The following GRK2 variants were observed in gnomAD, a reference collection of about 807,000 sequenced individuals.
GRK2 encodes the protein adrenergic beta receptor kinase 1.
GRK2 carries 23 observed loss-of-function variants against 97.8 expected under a neutral mutation model. The observed-to-expected ratio is 0.24, with a 90% CI of 0.17 to 0.33. The LOEUF is 0.33. GRK2 is among the 10% of genes least tolerant of loss of function. The pLI is 1.00. For missense variants in GRK2, 633 were observed against 956.9 expected (o/e 0.66, Z 4.47); for synonymous variants, 425 against 381.7 (o/e 1.11, Z -1.32).
At chr11:67,271,612 G>A (rs934821970) in intron 1 of GRK2, among the ~76,000 whole-genome samples, 1 of 152,250 alleles carries the variant, frequency 6.6e-6, no homozygotes, top group African/African-American at 2.4e-5. Flanking sequence ...CGTGACATTT[G>A]ACAAGGCCGC....
chr11:67,281,073 C>A lies in GRK2; in HGVS notation c.556-20C>A. The stretch of plus-strand genomic sequence containing the variant: ...GGGCAGAGGCAGCCTGTGGTGACCG[C>A]AGCTGTCGCTGCCCCTCAGCTGACC... On this transcript the variant is annotated intron_variant, in intron 7 of 20. Transcript: ENST00000308595. The surrounding 1 kb of genome is among the most constrained non-coding windows in gnomAD (Gnocchi z 5.7). The A allele has an allele frequency of 6.2e-7, 1 of 1,603,436 alleles. No homozygotes were observed. The highest frequency in any genetic ancestry group is 1.1e-5 in the South Asian group (1 of 90,136).
In GRK2 at chr11:67,277,263, G is replaced by C. The variant is rs1860051239; in HGVS notation, c.114-9G>C. ...GGGCTTCTGCTTACTGCGCCCCCCT[G>C]ACCCACAGCATCCGCAGTGTCATGC... On this transcript the variant is annotated splice_polypyrimidine_tract_variant and intron_variant, in intron 1 of 20. Coordinates refer to ENST00000308595, the MANE Select transcript of GRK2 (RefSeq NM_001619.5). 1 of 1,613,398 alleles carries C rather than the reference G, an allele frequency of 6.2e-7. No individual in the cohort carries two copies. The highest frequency in any genetic ancestry group is 8.5e-7 in the Non-Finnish European group (1 of 1,179,908).
At chr11:67,273,681 G>A (rs1289005753) in intron 1 of GRK2, among the ~76,000 whole-genome samples, 2 of 152,194 alleles carry the variant, frequency 1.3e-5, no homozygotes, top group East Asian at 1.9e-4. Flanking sequence ...GAGGGGGGTT[G>A]TTTATTTTAT....
chr11:67,285,536 T>G lies in GRK2; in HGVS notation c.*86T>G, dbSNP rs1860260629. 1 of 1,412,698 alleles carries G rather than the reference T, an allele frequency of 7.1e-7. No homozygotes were observed. Among genetic ancestry groups the G allele is most frequent in the African/African-American group, 1.4e-5 (1 of 69,064 alleles). The allele number at this position is 1,412,698 out of a possible 1,614,324, so 87.5% of individuals were successfully genotyped here. On this transcript the variant is annotated 3_prime_UTR_variant, in exon 21 of 21. Transcript: ENST00000308595. The stretch of plus-strand genomic sequence containing the variant: ...TCCCGCCAAGCGGAAAAGGTTTTAT[T>G]TTGTAATTATTGTGATTTCCCGTGG...
In GRK2 at chr11:67,283,205, G is replaced by C. The variant is rs1860193229; in HGVS notation, c.1305G>C (p.Arg435=). 1 of 1,613,842 alleles carries C rather than the reference G, an allele frequency of 6.2e-7. No homozygotes were observed. The highest frequency in any genetic ancestry group is 8.5e-7 in the Non-Finnish European group (1 of 1,179,972). Residue 435 remains arginine (R), a synonymous_variant, in exon 15 of 21, where the codon CGG becomes CGC. Transcript: ENST00000308595. ...LEGLLQRDVN[R]RLGCLGRGAQ... Reference sequence around the variant, plus strand: ...GGTTGCTGCAGAGGGATGTCAACCGGAGATTGGGCTGCCTGGGCCGAGGGT... The same window carrying C: ...GGTTGCTGCAGAGGGATGTCAACCGCAGATTGGGCTGCCTGGGCCGAGGGT...
At position 67,277,310 on chromosome 11, in the gene GRK2, G is replaced by A. The variant is rs1312621144; in HGVS notation, c.152G>A (p.Gly51Asp). The change falls in exon 2 of 21, where the codon GGC becomes GAC. Residue 51 changes from glycine (G) to aspartate (D), a missense_variant. By Grantham distance (94) the Gly-to-Asp change is moderately conservative. Transcript: ENST00000308595. ...SVMQKYLEDR[G>D]EVTFEKIFSQ... ...ATGCAGAAGTACCTGGAGGACCGGG[G>A]CGAGGTGACCTTTGAGAAGATCTTT... 7.4e-6 allele frequency: 12 copies of A among 1,613,710 alleles called. No homozygotes were observed. Among genetic ancestry groups the A allele is most frequent in the Non-Finnish European group, 1.0e-5 (12 of 1,179,990 alleles).
chr11:67,273,145 T>C (rs1859946857), intron 1 of GRK2, among the ~76,000 whole-genome samples: 1 of 152,238 alleles, frequency 6.6e-6, no homozygotes, highest in African/African-American at 2.4e-5. Flanking sequence ...CATCCTCATT[T>C]TACAGCTGGG....
In GRK2 at chr11:67,276,573, T is replaced by G. The variant is rs1261768139; in HGVS notation, c.114-699T>G. Reference sequence around the variant, plus strand: ...ACCAAGGCATGGCCTTTTCTTACAATTTAAAAAATTGAGATGCAATTCATA... The same window carrying G: ...ACCAAGGCATGGCCTTTTCTTACAAGTTAAAAAATTGAGATGCAATTCATA... On this transcript the variant is annotated intron_variant, in intron 1 of 20. Transcript: ENST00000308595. This position sits in a 1 kb window ranked among gnomAD's most constrained non-coding sequence, Gnocchi z 4.2. The G allele has an allele frequency of 6.6e-6, 1 of 152,198 alleles. No homozygotes were observed. Among genetic ancestry groups the G allele is most frequent in the South Asian group, 2.1e-4 (1 of 4,836 alleles). The allele number at this position is 152,198 out of a possible 1,614,324, so 9.4% of individuals were successfully genotyped here.
Position 67,282,106 on chromosome 11 carries a change from C to A in GRK2, c.957+154C>A. On this transcript the variant is annotated intron_variant, in intron 11 of 20. Coordinates refer to ENST00000308595, the MANE Select transcript of GRK2 (RefSeq NM_001619.5). The surrounding 1 kb of genome is among the most constrained non-coding windows in gnomAD (Gnocchi z 6.9). The stretch of plus-strand genomic sequence containing the variant: ...CCCCTGCCCTTCCCACCGAGCCACT[C>A]TCTGGGTCCAGGTTGTAGCTGGGGA... 1 of 1,268,832 alleles carries A rather than the reference C, an allele frequency of 7.9e-7. No homozygotes were observed. Among genetic ancestry groups the A allele is most frequent in the Non-Finnish European group, 1.1e-6 (1 of 902,810 alleles). 78.6% of individuals were successfully genotyped at this position (1,268,832 alleles called of 1,614,324 possible).
chr11:67,277,600 C>A (rs1430809678), intron 2 of GRK2, among the ~76,000 whole-genome samples: 3 of 152,258 alleles, frequency 2.0e-5, no homozygotes, highest in African/African-American at 7.2e-5. Context: ...GGAAGTTCCT[C>A]CTTTGGGGTT....
At chr11:67,283,060 T>C (rs1199845219) in intron 14 of GRK2, 68 bp from the exon 15 acceptor site, 25 of 1,497,046 alleles carry the variant, frequency 1.7e-5, no homozygotes, top group South Asian at 5.6e-5. Context: ...GACCCCTCTC[T>C]CCCCTGAGCT....
Position 67,286,203 on chromosome 11 carries a change from G to T in GRK2, c.*753G>T. 1 of 553,918 alleles carries T rather than the reference G, an allele frequency of 1.8e-6. No homozygotes were observed. Among genetic ancestry groups the T allele is most frequent in the Non-Finnish European group, 3.2e-6 (1 of 315,590 alleles). 34.3% of individuals were successfully genotyped at this position (553,918 alleles called of 1,614,324 possible). A position where few individuals can be genotyped will look rare whatever the true frequency, so the allele number is the denominator to read the frequency against. ...CCTGAGGTCTCGCTGATGCTGGGCT[G>T]GGTGCGACCCCATCTGCCCAGGACG... is the stretch of plus-strand genomic sequence containing the variant. On this transcript the variant is annotated 3_prime_UTR_variant, in exon 21 of 21. Coordinates refer to ENST00000308595, the MANE Select transcript of GRK2 (RefSeq NM_001619.5).
chr11:67,286,057 G>C lies in GRK2; in HGVS notation c.*607G>C, dbSNP rs1860274067. ...GACACTGCGGGGCTTGGCTGAGAGA[G>C]TGGCATTGGCAGCAGGTGCTGCTAC... On this transcript the variant is annotated 3_prime_UTR_variant, in exon 21 of 21. Coordinates refer to ENST00000308595, the MANE Select transcript of GRK2 (RefSeq NM_001619.5). 1 of 300,460 alleles carries C rather than the reference G, an allele frequency of 3.3e-6. No individual in the cohort carries two copies. Among genetic ancestry groups the C allele is most frequent in the East Asian group, 7.8e-5 (1 of 12,768 alleles). 18.6% of individuals were successfully genotyped at this position (300,460 alleles called of 1,614,324 possible). A position where few individuals can be genotyped will look rare whatever the true frequency, so the allele number is the denominator to read the frequency against.
chr11:67,284,684 G>A (rs985074636), intron 18 of GRK2, 163 bp from the exon 19 acceptor site: 9 of 990,402 alleles, frequency 9.1e-6, no homozygotes, highest in Non-Finnish European at 1.3e-5. Flanking sequence ...AGCTACCCGG[G>A]AGGCTGAGGC....
chr11:67,282,406 TC>T lies in GRK2; in HGVS notation c.1053-26del. 1 of 1,130,920 alleles carries T rather than the reference TC, an allele frequency of 8.8e-7. No individual in the cohort carries two copies. The highest frequency in any genetic ancestry group is 4.5e-5 in the East Asian group (1 of 22,236). The allele number at this position is 1,130,920 out of a possible 1,614,324, so 70.1% of individuals were successfully genotyped here. A position where few individuals can be genotyped will look rare whatever the true frequency, so the allele number is the denominator to read the frequency against. On this transcript the variant is annotated intron_variant, in intron 12 of 20. Transcript: ENST00000308595. This position sits in a 1 kb window ranked among gnomAD's most constrained non-coding sequence, Gnocchi z 6.9. Reference sequence around the variant, plus strand: ...CCTCTCCCTCCCCACCCCTTGCCACTCCCGCTTATGGCCCCCTTGCTCCCAC... The same window carrying T: ...CCTCTCCCTCCCCACCCCTTGCCACTCCGCTTATGGCCCCCTTGCTCCCAC...
chr11:67,281,076 C>G lies in GRK2; in HGVS notation c.556-17C>G. ...CAGAGGCAGCCTGTGGTGACCGCAGCTGTCGCTGCCCCTCAGCTGACCATG... is the reference window on the plus strand; with the variant it reads ...CAGAGGCAGCCTGTGGTGACCGCAGGTGTCGCTGCCCCTCAGCTGACCATG... On this transcript the variant is annotated splice_polypyrimidine_tract_variant and intron_variant, in intron 7 of 20. Transcript: ENST00000308595. This position sits in a 1 kb window ranked among gnomAD's most constrained non-coding sequence, Gnocchi z 5.7. 1 of 1,605,612 alleles carries G rather than the reference C, an allele frequency of 6.2e-7. No individual in the cohort carries two copies. The highest frequency in any genetic ancestry group is 2.2e-5 in the East Asian group (1 of 44,782).
In GRK2 at chr11:67,285,045, T is replaced by TA. The variant is rs527299352; in HGVS notation, c.1792-29dup. The TA allele has an allele frequency of 2.5e-4, 398 of 1,612,744 alleles. 5 individuals carry two copies. In the South Asian group the frequency reaches 4.2e-3, roughly 17 times the overall value. ...CCGGGTGGCTGGCCGGCCCGGCTCT[T>TA]ACCTGCACCACCCATCCCTGGCCCT... On this transcript the variant is annotated intron_variant, in intron 19 of 20. Coordinates refer to ENST00000308595, the MANE Select transcript of GRK2 (RefSeq NM_001619.5).
rs377123753 is a variant in GRK2, at chr11:67,281,682, G to T, written c.780G>T (p.Ala260=). The T allele has an allele frequency of 1.0e-4, 161 of 1,607,576 alleles. No homozygotes were observed. Among genetic ancestry groups the T allele is most frequent in the Non-Finnish European group, 1.3e-4 (156 of 1,177,498 alleles). Residue 260 remains alanine (A), a synonymous_variant, in exon 10 of 21, where the codon GCG becomes GCT. Transcript: ENST00000308595. The surrounding 1 kb of genome is among the most constrained non-coding windows in gnomAD (Gnocchi z 5.7). ...DCPFIVCMSY[A]FHTPDKLSFI... is the part of the protein sequence containing the mutation. Reference sequence around the variant, plus strand: ...CATTCATTGTCTGCATGTCATACGCGTTCCACACGCCAGACAAGCTCAGCT... The same window carrying T: ...CATTCATTGTCTGCATGTCATACGCTTTCCACACGCCAGACAAGCTCAGCT...
intron 1 of GRK2, among the ~76,000 whole-genome samples, chr11:67,275,253 C>T (rs1430656646): frequency 6.6e-6 from 1 of 152,174 alleles, no homozygotes; most frequent in African/African-American, 2.4e-5. Context: ...AAGGACAGTG[C>T]CCAGTGGAAG....
Sources: gnomAD v4.1 joint callset for allele counts (sites outside exome capture counted in the v4.1 genomes callset) on GRCh38, gnomAD v4.1.1 for gene constraint, Gnocchi (gnomAD v3.1) non-coding constraint, MANE v1.5 for transcripts, NCBI Gene and HGNC (gene_info 2026-07-23, HGNC 2026-07-21) for gene names.